LRBA: variants seen among roughly 807,000 people sequenced by gnomAD.
LRBA encodes the protein lipopolysaccharide-responsive and beige-like anchor protein.
A neutral mutation model predicts 330.0 loss-of-function variants in LRBA; 176 were observed. That is an observed-to-expected ratio of 0.53 (90% CI 0.47 to 0.60). The LOEUF (loss-of-function observed/expected upper bound fraction) is 0.60. Ranked by LOEUF, LRBA falls within the 20% of genes least tolerant of loss-of-function variation. The probability of loss-of-function intolerance (pLI) is 0.00; values close to 1 mark genes in which losing one functional copy is unlikely to be tolerated. For synonymous variants in LRBA, 1,230 were observed against 1,193.0 expected (o/e 1.03, Z -0.64); for missense variants, 3,259 against 3,444.8 (o/e 0.95, Z 1.35).
Position 150,346,763 on chromosome 4 carries a change from A to C in LRBA, c.7362+3229T>G, listed in dbSNP as rs1450337606. 4.6e-3 allele frequency among the ~76,000 whole-genome samples: 173 copies of C among 37,810 alleles called. 1 individual carries two copies. Among genetic ancestry groups the C allele is most frequent in the African/African-American group, 9.1e-3 (165 of 18,192 alleles). 24.8% of individuals were successfully genotyped at this position (37,810 alleles called of 152,430 possible). A position where few individuals can be genotyped will look rare whatever the true frequency, so the allele number is the denominator to read the frequency against. On this transcript the variant is annotated intron_variant, in intron 48 of 56. Transcript: ENST00000651943. Reference sequence around the variant, plus strand: ...ACAATGTGAGACTCTGTCTCAAAAAAAAAAAAAAAAAAAAAAAAAAAAAAC... The same window carrying C: ...ACAATGTGAGACTCTGTCTCAAAAACAAAAAAAAAAAAAAAAAAAAAAAAC...
chr4:150,460,306 T>C (rs940173891), intron 44 of LRBA, among the ~76,000 whole-genome samples: 8 of 149,800 alleles, frequency 5.3e-5, no homozygotes, highest in African/African-American at 1.5e-4. Flanking sequence ...TGGTAGGAGA[T>C]ACATGAAGGA....
rs537690208 is a variant in LRBA, at chr4:150,359,975, G to A, written c.7195-9816C>T. On this transcript the variant is annotated intron_variant, in intron 47 of 56. Transcript: ENST00000651943. ...AGCCTGGGTGACAGAGCAAGACTCCGTCTCAAAAAAAAAAGAAAAAAAGAA... is the reference window on the plus strand; with the variant it reads ...AGCCTGGGTGACAGAGCAAGACTCCATCTCAAAAAAAAAAGAAAAAAAGAA... Among the ~76,000 whole-genome samples the A allele has an allele frequency of 6.4e-4, 57 of 88,916 alleles. No homozygotes were observed. The South Asian group carries it at 0.012, about 19-fold the overall frequency. The allele number at this position is 88,916 out of a possible 152,430, so 58.3% of individuals were successfully genotyped here. A position where few individuals can be genotyped will look rare whatever the true frequency, so the allele number is the denominator to read the frequency against.
At chr4:150,677,141 A>C (rs940545116) in intron 37 of LRBA, among the ~76,000 whole-genome samples, 44 of 152,144 alleles carry the variant, frequency 2.9e-4, no homozygotes, top group Non-Finnish European at 5.9e-4. Context: ...CCCAACCCCC[A>C]AAAATGATTT....
chr4:150,507,744 G>A (rs1028541251), intron 40 of LRBA, among the ~76,000 whole-genome samples: 2 of 152,114 alleles, frequency 1.3e-5, no homozygotes, highest in African/African-American at 2.4e-5. Flanking sequence ...TAATTAAACT[G>A]AAGAGCTTCT....
At chr4:150,840,836 G>A (rs2126871769) in intron 28 of LRBA, 1 of 830,784 alleles carries the variant, frequency 1.2e-6, no homozygotes, top group Non-Finnish European at 1.5e-6. Context: ...GCAAAGCACA[G>A]TAAAATGAGG....
At chr4:150,279,308 C>T (rs1418998657) in intron 55 of LRBA, among the ~76,000 whole-genome samples, 1 of 152,100 alleles carries the variant, frequency 6.6e-6, no homozygotes, top group Non-Finnish European at 1.5e-5. Context: ...AATCCTATTA[C>T]CCCTTCCTCT....
chr4:150,893,193 C>A, intron 16 of LRBA, 44 bp from the exon 17 acceptor site: 1 of 1,082,148 alleles, frequency 9.2e-7, no homozygotes, highest in Non-Finnish European at 1.4e-6. Context: ...GAGGAAAAAA[C>A]AACTTAGTTG....
intron 53 of LRBA, among the ~76,000 whole-genome samples, chr4:150,299,471 A>G (rs1729374187): frequency 6.6e-6 from 1 of 152,068 alleles, no homozygotes; most frequent in African/African-American, 2.4e-5. Context: ...TACAGTATTT[A>G]TAGGTTTTAC....
chr4:150,683,589 G>A lies in LRBA; in HGVS notation c.5883C>T (p.Leu1961=), dbSNP rs768151235. 2 of 1,613,862 alleles carry A rather than the reference G, an allele frequency of 1.2e-6. No homozygotes were observed. Among genetic ancestry groups the A allele is most frequent in the Non-Finnish European group, 8.5e-7 (1 of 1,179,868 alleles). ...TTCCCCAGGCTCCATGCTTGTCTGT[G>A]AGAATGTTGATAATTTTCTGGATTA... The part of the protein sequence containing the change: ...TQLIQKIINI[L]TDKHGAWGNS... Residue 1961 remains leucine (L), a synonymous_variant, in exon 37 of 57, where the codon CTC becomes CTT. Coordinates refer to ENST00000651943, the MANE Select transcript of LRBA (RefSeq NM_001364905.1).
intron 2 of LRBA, chr4:150,970,706 T>C (rs1739489395): frequency 6.6e-6 from 1 of 152,102 alleles, no homozygotes; most frequent in Non-Finnish European, 1.5e-5. Context: ...GGTATGCCTG[T>C]ACTAATCAGG....
chr4:150,954,949 C>T (rs1388245377), intron 2 of LRBA, among the ~76,000 whole-genome samples: 4 of 148,088 alleles, frequency 2.7e-5, no homozygotes, highest in Non-Finnish European at 5.9e-5. Flanking sequence ...AAACAACACA[C>T]TCCTAAATAG....
intron 38 of LRBA, among the ~76,000 whole-genome samples, chr4:150,596,063 C>G (rs1381320559): frequency 6.6e-6 from 1 of 151,890 alleles, no homozygotes; most frequent in African/African-American, 2.4e-5. Context: ...TCAGTTTCTG[C>G]AAAGTTAAAG....
At chr4:150,868,106 A>G (rs1386449201) in intron 21 of LRBA, 76 bp downstream of exon 21, 1 of 1,422,810 alleles carries the variant, frequency 7.0e-7, no homozygotes, top group Non-Finnish European at 9.5e-7. Context: ...TTTTAAAGCA[A>G]TTTTTCTTAG....
intron 17 of LRBA, among the ~76,000 whole-genome samples, chr4:150,878,519 G>C (rs1207069068): frequency 6.7e-6 from 1 of 150,234 alleles, no homozygotes; most frequent in Non-Finnish European, 1.5e-5. Flanking sequence ...ACAAAACTGA[G>C]ACCAAAAAAA....
In LRBA at chr4:150,598,992, G is replaced by T; in HGVS notation, c.6046+15C>A. 6.2e-7 allele frequency: 1 copy of T among 1,613,682 alleles called. No homozygotes were observed. The highest frequency in any genetic ancestry group is 1.1e-5 in the South Asian group (1 of 91,032). On this transcript the variant is annotated intron_variant, in intron 38 of 56. Coordinates refer to ENST00000651943, the MANE Select transcript of LRBA (RefSeq NM_001364905.1). ...GTACCTGCTGCTATTGGCAAGGAAT[G>T]GTTTATACACTGACCATGTTCCACG...
intron 31 of LRBA, among the ~76,000 whole-genome samples, chr4:150,809,199 AT>A (rs1459739510): frequency 6.6e-6 from 1 of 152,150 alleles, no homozygotes. Context: ...GACAGTATAT[AT>A]TTTTATAGAC....
intron 42 of LRBA, among the ~76,000 whole-genome samples, chr4:150,472,463 C>T (rs11936019): frequency 0.21 from 32,512 of 151,958 alleles, 4,351 homozygotes; most frequent in Non-Finnish European, 0.3. Flanking sequence ...AATTTTCATG[C>T]CATAAAATTT....
chr4:150,726,836 AAACCATATCATGCACCCAAC>A (rs1425474668), intron 36 of LRBA, among the ~76,000 whole-genome samples: 3 of 152,096 alleles, frequency 2.0e-5, no homozygotes, highest in African/African-American at 7.2e-5. Context: ...ACACAGAGCC[AAACCATATCATGCACCCAAC>A]ACTGGAGCAA....
At chr4:150,997,554 C>T (rs916904942) in intron 2 of LRBA, among the ~76,000 whole-genome samples, 3 of 151,578 alleles carry the variant, frequency 2.0e-5, no homozygotes, top group South Asian at 2.1e-4. Flanking sequence ...AGACTTAAGA[C>T]GATCCTGCAA....
Sources: gnomAD v4.1 joint callset for allele counts (sites outside exome capture counted in the v4.1 genomes callset) on GRCh38, gnomAD v4.1.1 for gene constraint, MANE v1.5 for transcripts, NCBI Gene and HGNC (gene_info 2026-07-23, HGNC 2026-07-21) for gene names.